DLGAP1: variants seen among roughly 807,000 people sequenced by gnomAD.
The protein encoded by DLGAP1 is DLG associated protein 1.
Under a neutral mutation model 90.8 loss-of-function variants are expected in DLGAP1, and 11 were observed. The ratio of observed to expected loss-of-function variants is 0.12; its 90% CI spans 0.08 to 0.20. The LOEUF (loss-of-function observed/expected upper bound fraction) is 0.20. Ranked by LOEUF, DLGAP1 falls within the 10% of genes least tolerant of loss-of-function variation. DLGAP1 has a pLI of 1.00. For missense variants in DLGAP1, 1,050 were observed against 1,333.8 expected (o/e 0.79, Z 3.31); for synonymous variants, 558 against 540.7 (o/e 1.03, Z -0.44).
At chr18:3,974,348 ACAGGCAATTCAT>A (rs1190821845) in intron 3 of DLGAP1, among the ~76,000 whole-genome samples, 3 of 152,244 alleles carry the variant, frequency 2.0e-5, no homozygotes, top group African/African-American at 4.8e-5. Context: ...CCACCGTCCT[ACAGGCAATTCAT>A]CCGTGACCTA....
intron 4 of DLGAP1, among the ~76,000 whole-genome samples, chr18:3,872,159 T>A (rs1247768040): frequency 6.7e-6 from 1 of 149,238 alleles, no homozygotes; most frequent in East Asian, 2.0e-4. Flanking sequence ...TCCTAAATAT[T>A]CCTACATTTA....
chr18:4,360,881 G>A (rs936673468), intron 1 of DLGAP1, among the ~76,000 whole-genome samples: 8 of 152,180 alleles, frequency 5.3e-5, no homozygotes, highest in East Asian at 3.9e-4. Context: ...TCAGGAGGCC[G>A]AAGCAGGAGA....
intron 2 of DLGAP1, among the ~76,000 whole-genome samples, chr18:4,147,878 T>C (rs777086725): frequency 6.6e-6 from 1 of 152,306 alleles, no homozygotes; most frequent in Non-Finnish European, 1.5e-5. Context: ...GCCTGGATCA[T>C]TTAGTTTACA....
At chr18:4,166,632 C>G (rs1166721909) in intron 1 of DLGAP1, among the ~76,000 whole-genome samples, 2 of 152,132 alleles carry the variant, frequency 1.3e-5, no homozygotes, top group Non-Finnish European at 2.9e-5. Flanking sequence ...TTCACCGTAG[C>G]CAAAAGGTAG....
intron 1 of DLGAP1, among the ~76,000 whole-genome samples, chr18:4,154,456 A>T (rs990845360): frequency 6.6e-6 from 1 of 152,018 alleles, no homozygotes; most frequent in Non-Finnish European, 1.5e-5. Flanking sequence ...ACCTCATATC[A>T]TTCATTTTAT....
chr18:4,406,868 A>G (rs542648633), intron 1 of DLGAP1, among the ~76,000 whole-genome samples: 1 of 152,312 alleles, frequency 6.6e-6, no homozygotes, highest in African/African-American at 2.4e-5. Flanking sequence ...GCAAACTGAG[A>G]CAGTGTAGTC....
In DLGAP1 at chr18:3,672,439, TG is replaced by T. The variant is rs1237579629; in HGVS notation, c.1591+56695del. Among the ~76,000 whole-genome samples, 5 of 151,700 alleles carry T rather than the reference TG, an allele frequency of 3.3e-5. No individual in the cohort carries two copies. The East Asian group carries it at 5.8e-4, about 18-fold the overall frequency. On this transcript the variant is annotated intron_variant, in intron 7 of 12. Coordinates refer to ENST00000315677, the MANE Select transcript of DLGAP1 (RefSeq NM_004746.4). ...CTAAAAATACAAAATCAGCTGGGTG[TG>T]GTGGCACATGCCTGTAATCCCAGGT... is the stretch of plus-strand genomic sequence containing the variant.
At chr18:4,270,918 G>T (rs570831257) in intron 1 of DLGAP1, among the ~76,000 whole-genome samples, 2 of 152,192 alleles carry the variant, frequency 1.3e-5, no homozygotes, top group South Asian at 4.2e-4. Context: ...TTTATTGTTT[G>T]ATCCTATCAC....
At chr18:4,244,530 A>G (rs1031639818) in intron 1 of DLGAP1, among the ~76,000 whole-genome samples, 3 of 152,170 alleles carry the variant, frequency 2.0e-5, no homozygotes, top group Non-Finnish European at 2.9e-5. Context: ...CAACAGAGTA[A>G]TGAGAACTAT....
intron 10 of DLGAP1, among the ~76,000 whole-genome samples, chr18:3,530,335 A>T (rs896925071): frequency 6.6e-6 from 1 of 152,168 alleles, no homozygotes; most frequent in Non-Finnish European, 1.5e-5. Context: ...TGGGCCCAGG[A>T]CGTCCAGGCT....
At chr18:4,148,937 A>C (rs1448088854) in intron 2 of DLGAP1, among the ~76,000 whole-genome samples, 3 of 152,222 alleles carry the variant, frequency 2.0e-5, no homozygotes, top group Admixed American at 2.0e-4. Context: ...AAAACAAAGA[A>C]GCCCTGATTC....
rs116633374 is a variant in DLGAP1 at position 4,058,782 on chromosome 18, G to A, written c.-158-53581C>T. ...TTCAATATGCCTTGAGACCTTCAAG[G>A]TCTTATTCAAAGGGAGAGGAGTCTA... On this transcript the variant is annotated intron_variant, in intron 2 of 12. Coordinates refer to ENST00000315677, the MANE Select transcript of DLGAP1 (RefSeq NM_004746.4). Among the ~76,000 whole-genome samples, 831 of 152,278 alleles carry A rather than the reference G, an allele frequency of 5.5e-3. 9 individuals carry two copies. Among genetic ancestry groups the A allele is most frequent in the African/African-American group, 0.019 (791 of 41,556 alleles).
In DLGAP1 at chr18:4,390,486, T is replaced by A. The variant is rs148119234; in HGVS notation, c.-267+64520A>T. ...ACCATTGTAGTATCATATAGAATAG[T>A]TCCACTGCCCTAAAAATTCTCTGTG... On this transcript the variant is annotated intron_variant, in intron 1 of 12. Transcript: ENST00000315677. Among the ~76,000 whole-genome samples, 1,016 of 152,282 alleles carry A rather than the reference T, an allele frequency of 6.7e-3. 13 individuals are homozygous for A. The highest frequency in any genetic ancestry group is 0.023 in the African/African-American group (973 of 41,560).
chr18:3,502,122 GTA>G, intron 12 of DLGAP1: 1 of 1,058,954 alleles, frequency 9.4e-7, no homozygotes, highest in Admixed American at 4.9e-5. Flanking sequence ...TCCTAGGGGT[GTA>G]AGGAAGTTGA....
At chr18:3,834,654 TAGC>T (rs2068267837) in intron 4 of DLGAP1, among the ~76,000 whole-genome samples, 1 of 152,158 alleles carries the variant, frequency 6.6e-6, no homozygotes, top group South Asian at 2.1e-4. Context: ...ATGTAGAAAA[TAGC>T]AGAAGGCGAA....
At chr18:3,959,723 C>T (rs974331561) in intron 3 of DLGAP1, among the ~76,000 whole-genome samples, 5 of 151,396 alleles carry the variant, frequency 3.3e-5, no homozygotes, top group Non-Finnish European at 7.4e-5. Context: ...AGCATAACTG[C>T]AAATTTTCCA....
intron 1 of DLGAP1, among the ~76,000 whole-genome samples, chr18:4,426,360 A>C (rs169455): frequency 6.6e-6 from 1 of 152,058 alleles, no homozygotes; most frequent in South Asian, 2.1e-4. Context: ...GCTCTGAATT[A>C]AAGTCCAGAA....
rs530952067 is a variant in DLGAP1, at chr18:4,088,121, TTTAAA to T, written c.-159+63054_-159+63058del. Among the ~76,000 whole-genome samples, 1,502 of 151,986 alleles carry T rather than the reference TTTAAA, an allele frequency of 9.9e-3. 19 individuals carry two copies. The highest frequency in any genetic ancestry group is 0.02 in the South Asian group (94 of 4,812). The stretch of plus-strand genomic sequence containing the variant: ...TATAGAAAACATTTCCTATTTTAAT[TTTAAA>T]TTAAATTAAATTTTAAATATGGATT... On this transcript the variant is annotated intron_variant, in intron 2 of 12. Coordinates refer to ENST00000315677, the MANE Select transcript of DLGAP1 (RefSeq NM_004746.4).
rs372152515 is a variant in DLGAP1, at chr18:3,509,088, T to G, written c.2480-427A>C. Among the ~76,000 whole-genome samples the G allele has an allele frequency of 3.3e-5, 5 of 152,170 alleles. No individual in the cohort carries two copies. The South Asian group carries it at 8.3e-4, about 25-fold the overall frequency. Reference sequence around the variant, plus strand: ...GCCGTCATGGTCGGCTGGCTTGTTTTTCTAAAACAAGCCCAAACACAAGGA... The same window carrying G: ...GCCGTCATGGTCGGCTGGCTTGTTTGTCTAAAACAAGCCCAAACACAAGGA... On this transcript the variant is annotated intron_variant, in intron 10 of 12. Transcript: ENST00000315677.
Sources: gnomAD v4.1 joint callset for allele counts (sites outside exome capture counted in the v4.1 genomes callset) on GRCh38, gnomAD v4.1.1 for gene constraint, MANE v1.5 for transcripts, NCBI Gene and HGNC (gene_info 2026-07-23, HGNC 2026-07-21) for gene names.